Variants in ANKS6 observed in about 807,000 individuals in gnomAD.
The protein encoded by ANKS6 is ankyrin repeat and SAM domain-containing protein 6.
Under a neutral mutation model 77.9 loss-of-function variants are expected in ANKS6, and 47 were observed. The ratio of observed to expected loss-of-function variants is 0.60; its 90% CI spans 0.48 to 0.77. The LOEUF is 0.77. ANKS6 is among the 30% of genes least tolerant of loss of function. ANKS6 has a pLI of 0.00. For missense variants in ANKS6, 1,150 were observed against 1,159.1 expected, an observed-to-expected ratio of 0.99 and a Z score of 0.11; for synonymous variants, 488 against 501.7, an observed-to-expected ratio of 0.97 and a Z score of 0.37.
Position 98,790,321 on chromosome 9 carries a change from C to G in ANKS6, c.645G>C (p.Ala215=). The G allele has an allele frequency of 6.2e-7, 1 of 1,609,170 alleles. No individual in the cohort carries two copies. The highest frequency in any genetic ancestry group is 8.5e-7 in the Non-Finnish European group (1 of 1,177,482). Residue 215 remains alanine, a synonymous_variant, in exon 2 of 15, where the codon GCG becomes GCC. Coordinates refer to ENST00000353234, the MANE Select transcript of ANKS6 (RefSeq NM_173551.5). The part of the protein sequence containing the change: ...AVVRLLMEWG[A]DPNHAARTVG... ...CGGTCCGGGCTGCGTGGTTGGGGTC[C>G]GCGCCCCACTCCATCAGTAGACGCA... is the stretch of plus-strand genomic sequence containing the variant.
intron 11 of ANKS6, among the ~76,000 whole-genome samples, chr9:98,766,891 T>C (rs1432764512): frequency 6.6e-6 from 1 of 152,180 alleles, no homozygotes; most frequent in Non-Finnish European, 1.5e-5. Context: ...TGAAGGAAGC[T>C]TATGACATCT....
chr9:98,748,213 C>T (rs1832246326), intron 13 of ANKS6, among the ~76,000 whole-genome samples: 1 of 152,180 alleles, frequency 6.6e-6, no homozygotes, highest in Non-Finnish European at 1.5e-5. Flanking sequence ...AATCAATCTT[C>T]TGCCTCTCCA....
chr9:98,748,825 G>A lies in ANKS6; in HGVS notation c.2394+2204C>T, dbSNP rs184756820. Reference sequence around the variant, plus strand: ...AAATCCACCTTAATACAGGTAGAAAGATGAAAATTATTAGTCTGTCTTTAG... The same window carrying A: ...AAATCCACCTTAATACAGGTAGAAAAATGAAAATTATTAGTCTGTCTTTAG... On this transcript the variant is annotated intron_variant, in intron 13 of 14. Transcript: ENST00000353234. Among the ~76,000 whole-genome samples, 579 of 152,306 alleles carry A rather than the reference G, an allele frequency of 3.8e-3. 4 individuals carry two copies. The highest frequency in any genetic ancestry group is 0.013 in the African/African-American group (541 of 41,560).
intron 9 of ANKS6, among the ~76,000 whole-genome samples, chr9:98,771,580 C>T (rs562792944): frequency 6.6e-6 from 1 of 152,328 alleles, no homozygotes; most frequent in African/African-American, 2.4e-5. Context: ...GACCTCACTC[C>T]ACCCTCTGCT....
chr9:98,774,142 G>A, intron 8 of ANKS6, 62 bp from the exon 9 acceptor site: 3 of 1,331,998 alleles, frequency 2.3e-6, no homozygotes, highest in Non-Finnish European at 2.9e-6. Flanking sequence ...CTGCAGGAAA[G>A]ACTCCATGTT....
Position 98,784,748 on chromosome 9 carries a change from C to T in ANKS6, c.907+84G>A, listed in dbSNP as rs902291825. 1.7e-5 allele frequency: 22 copies of T among 1,270,920 alleles called. No homozygotes were observed. The East Asian group carries it at 3.7e-4, about 22-fold the overall frequency. The allele number at this position is 1,270,920 out of a possible 1,614,324, so 78.7% of individuals were successfully genotyped here. A position where few individuals can be genotyped will look rare whatever the true frequency, so the allele number is the denominator to read the frequency against. On this transcript the variant is annotated intron_variant, in intron 3 of 14. Coordinates refer to ENST00000353234, the MANE Select transcript of ANKS6 (RefSeq NM_173551.5). ...TTTCTTTCTCAAATACCCTGGGTGG[C>T]CCTGCAAAGGACTACAAATATTAGG...
chr9:98,793,769 C>A (rs1401824497), intron 1 of ANKS6, among the ~76,000 whole-genome samples: 1 of 151,240 alleles, frequency 6.6e-6, no homozygotes, highest in African/African-American at 2.4e-5. Context: ...TCCTGACCTC[C>A]TGATCTGCCC....
rs549760788 is a variant in ANKS6 at position 98,733,372 on chromosome 9, C to T, written c.*3147G>A. ...CTGGGTGCTGGGAAACAATGCCCTC[C>T]ACCCTGCAGGAGAGCTCAGGGTGGA... On this transcript the variant is annotated 3_prime_UTR_variant, in exon 15 of 15. Transcript: ENST00000353234. 6.1e-6 allele frequency: 6 copies of T among 985,462 alleles called. No individual in the cohort carries two copies. In the South Asian group the frequency reaches 1.9e-4, roughly 31 times the overall value. The allele number at this position is 985,462 out of a possible 1,614,324, so 61.0% of individuals were successfully genotyped here.
intron 10 of ANKS6, 55 bp from the exon 11 acceptor site, chr9:98,768,305 CAA>C: frequency 1.9e-6 from 3 of 1,601,008 alleles, no homozygotes; most frequent in Non-Finnish European, 2.6e-6. Flanking sequence ...TACTCCAACA[CAA>C]GGGTGGTGGA....
At chr9:98,767,250 T>C (rs2118004935) in intron 11 of ANKS6, among the ~76,000 whole-genome samples, 1 of 152,322 alleles carries the variant, frequency 6.6e-6, no homozygotes, top group Admixed American at 6.5e-5. Context: ...GTCCTGCTCA[T>C]GTCCTTCCTT....
At chr9:98,781,041 C>T (rs1284573142) in intron 5 of ANKS6, among the ~76,000 whole-genome samples, 1 of 151,986 alleles carries the variant, frequency 6.6e-6, no homozygotes, top group Non-Finnish European at 1.5e-5. Context: ...GCTGGGGCTA[C>T]AGTGCCCGCC....
chr9:98,789,914 G>A, intron 2 of ANKS6, 190 bp downstream of exon 2: 1 of 793,254 alleles, frequency 1.3e-6, no homozygotes, highest in Non-Finnish European at 1.8e-6. Flanking sequence ...ACTCTGCAGA[G>A]AGTGGGCCCA....
At chr9:98,789,756 T>C (rs963028104) in intron 2 of ANKS6, among the ~76,000 whole-genome samples, 1 of 152,158 alleles carries the variant, frequency 6.6e-6, no homozygotes, top group African/African-American at 2.4e-5. Context: ...GACTGTATGG[T>C]CCATACAGTC....
intron 8 of ANKS6, 62 bp from the exon 9 acceptor site, chr9:98,774,142 G>T: frequency 2.3e-6 from 3 of 1,331,998 alleles, no homozygotes; most frequent in Non-Finnish European, 2.9e-6. Flanking sequence ...CTGCAGGAAA[G>T]ACTCCATGTT....
chr9:98,757,467 T>C (rs1315781235), intron 11 of ANKS6, among the ~76,000 whole-genome samples: 1 of 152,226 alleles, frequency 6.6e-6, no homozygotes, highest in East Asian at 1.9e-4. Context: ...AGTTTTCCCA[T>C]AATTAGATGT....
chr9:98,758,925 T>G (rs1832863665), intron 11 of ANKS6, among the ~76,000 whole-genome samples: 1 of 152,230 alleles, frequency 6.6e-6, no homozygotes, highest in African/African-American at 2.4e-5. Flanking sequence ...CTTTTTGTCT[T>G]TAGCCTAATA....
At chr9:98,786,579 C>T (rs557137045) in intron 2 of ANKS6, among the ~76,000 whole-genome samples, 2 of 152,286 alleles carry the variant, frequency 1.3e-5, no homozygotes, top group East Asian at 3.9e-4. Context: ...CGTGAGCCAC[C>T]ACACCTGGCC....
chr9:98,779,733 G>A (rs577385885), intron 6 of ANKS6, among the ~76,000 whole-genome samples: 7 of 151,922 alleles, frequency 4.6e-5, no homozygotes, highest in East Asian at 3.9e-4. Context: ...GCGCGATCTC[G>A]ACTCACTGCA....
At chr9:98,785,309 G>A (rs563861083) in intron 2 of ANKS6, among the ~76,000 whole-genome samples, 2 of 152,070 alleles carry the variant, frequency 1.3e-5, no homozygotes, top group East Asian at 1.9e-4. Flanking sequence ...CTGAGATATC[G>A]AGCAGCTGAG....
Sources: gnomAD v4.1 joint callset for allele counts (sites outside exome capture counted in the v4.1 genomes callset) on GRCh38, gnomAD v4.1.1 for gene constraint, MANE v1.5 for transcripts, NCBI Gene and HGNC (gene_info 2026-07-23, HGNC 2026-07-21) for gene names.